Variants in KIRREL3 observed in about 807,000 individuals in gnomAD.
KIRREL3 encodes kirre like nephrin family adhesion molecule 3, also known as kin of IRRE-like protein 3.
In KIRREL3, 36 loss-of-function variants were observed where a neutral mutation model predicts 89.7. That is an observed-to-expected ratio of 0.40 (90% CI 0.31 to 0.53). KIRREL3 has a LOEUF of 0.53. KIRREL3 is among the 20% of genes least tolerant of loss of function. The pLI, the probability that KIRREL3 is intolerant of heterozygous loss-of-function variation, is 0.49. For synonymous variants in KIRREL3, 445 were observed against 441.4 expected (o/e 1.01, Z -0.10); for missense variants, 864 against 1,056.6 (o/e 0.82, Z 2.53).
In KIRREL3 at chr11:126,521,160, T is replaced by A. The variant is rs1958573921; in HGVS notation, c.433+155A>T. On this transcript the variant is annotated intron_variant, in intron 4 of 16. Transcript: ENST00000525144. This position sits in a 1 kb window ranked among gnomAD's most constrained non-coding sequence, Gnocchi z 4.1. ...CGCTTGTCCCGTTTGGGTGGGAAGG[T>A]GGGCATGGATATTGTGGAAGCAGCA... Among the ~76,000 whole-genome samples, 1 of 151,986 alleles carries A rather than the reference T, an allele frequency of 6.6e-6. No individual in the cohort carries two copies. Among genetic ancestry groups the A allele is most frequent in the African/African-American group, 2.4e-5 (1 of 41,382 alleles).
In KIRREL3 at chr11:126,729,409, A is replaced by C. The variant is rs1348655197; in HGVS notation, c.56-166497T>G. ...GTCACAAGGCTCATTTTAGGGACATATTGCAGGAGAGACAGGAAATTGAAA... is the reference window on the plus strand; with the variant it reads ...GTCACAAGGCTCATTTTAGGGACATCTTGCAGGAGAGACAGGAAATTGAAA... On this transcript the variant is annotated intron_variant, in intron 1 of 16. Coordinates refer to ENST00000525144, the MANE Select transcript of KIRREL3 (RefSeq NM_032531.4). The surrounding 1 kb of genome is among the most constrained non-coding windows in gnomAD (Gnocchi z 4.5). 6.6e-6 allele frequency among the ~76,000 whole-genome samples: 1 copy of C among 152,226 alleles called. No individual in the cohort carries two copies. Among genetic ancestry groups the C allele is most frequent in the Non-Finnish European group, 1.5e-5 (1 of 68,042 alleles).
chr11:126,451,390 GAA>G (rs1565464552), intron 7 of KIRREL3, among the ~76,000 whole-genome samples: 18 of 148,734 alleles, frequency 1.2e-4, no homozygotes, highest in Non-Finnish European at 2.2e-4. Context: ...GTGCATGTGT[GAA>G]CGTGTGCATG....
chr11:126,564,202 G>A lies in KIRREL3; in HGVS notation c.56-1290C>T, dbSNP rs973920603. ...TCACAGCACCTTCTCCCACGACACCGACTGCCTCCCTGAACCCAGCCAGTC... is the reference window on the plus strand; with the variant it reads ...TCACAGCACCTTCTCCCACGACACCAACTGCCTCCCTGAACCCAGCCAGTC... On this transcript the variant is annotated intron_variant, in intron 1 of 16. Coordinates refer to ENST00000525144, the MANE Select transcript of KIRREL3 (RefSeq NM_032531.4). The surrounding 1 kb of genome is among the most constrained non-coding windows in gnomAD (Gnocchi z 7.4). Among the ~76,000 whole-genome samples, 34 of 152,312 alleles carry A rather than the reference G, an allele frequency of 2.2e-4. No individual in the cohort carries two copies. The highest frequency in any genetic ancestry group is 6.3e-4 in the African/African-American group (26 of 41,578).
rs989009101 is a variant in KIRREL3 at position 126,640,485 on chromosome 11, A to G, written c.56-77573T>C. Among the ~76,000 whole-genome samples the G allele has an allele frequency of 3.3e-5, 5 of 152,202 alleles. No individual in the cohort carries two copies. The highest frequency in any genetic ancestry group is 7.4e-5 in the Non-Finnish European group (5 of 68,024). ...CCAATCTGTTCCCTGCATACATTAC[A>G]TGCATAGATCTGAGAGAAGAATTTG... On this transcript the variant is annotated intron_variant, in intron 1 of 16. Coordinates refer to ENST00000525144, the MANE Select transcript of KIRREL3 (RefSeq NM_032531.4). The surrounding 1 kb of genome is among the most constrained non-coding windows in gnomAD (Gnocchi z 4.9).
upstream of KIRREL3, among the ~76,000 whole-genome samples, chr11:127,002,517 GA>G (rs1950332709): frequency 6.6e-6 from 1 of 152,152 alleles, no homozygotes; most frequent in African/African-American, 2.4e-5. Flanking sequence ...CAGAGGAGAT[GA>G]AAAATAATTT....
chr11:126,860,962 A>T lies in KIRREL3; in HGVS notation c.55+139493T>A, dbSNP rs1314900031. Among the ~76,000 whole-genome samples the T allele has an allele frequency of 6.6e-6, 1 of 152,008 alleles. No individual in the cohort carries two copies. Among genetic ancestry groups the T allele is most frequent in the Non-Finnish European group, 1.5e-5 (1 of 67,990 alleles). On this transcript the variant is annotated intron_variant, in intron 1 of 16. Transcript: ENST00000525144. The surrounding 1 kb of genome is among the most constrained non-coding windows in gnomAD (Gnocchi z 4.6). The stretch of plus-strand genomic sequence containing the variant: ...CTCCTGGTGCTACCAGAGGCAAACA[A>T]ATTCTCCCTCCTTTGTGCCCTCCTG...
In KIRREL3 at chr11:126,666,486, C is replaced by A. The variant is rs1945670706; in HGVS notation, c.56-103574G>T. Among the ~76,000 whole-genome samples, 1 of 152,134 alleles carries A rather than the reference C, an allele frequency of 6.6e-6. No homozygotes were observed. The highest frequency in any genetic ancestry group is 2.4e-5 in the African/African-American group (1 of 41,432). ...CTTCTAAGGGTTTACCAAGAAGGGACAAATCTAATGATAAGAAAGTTACAG... is the reference window on the plus strand; with the variant it reads ...CTTCTAAGGGTTTACCAAGAAGGGAAAAATCTAATGATAAGAAAGTTACAG... On this transcript the variant is annotated intron_variant, in intron 1 of 16. Coordinates refer to ENST00000525144, the MANE Select transcript of KIRREL3 (RefSeq NM_032531.4). This position sits in a 1 kb window ranked among gnomAD's most constrained non-coding sequence, Gnocchi z 4.2.
At chr11:126,866,455 A>G (rs1944921760) in intron 1 of KIRREL3, among the ~76,000 whole-genome samples, 1 of 152,212 alleles carries the variant, frequency 6.6e-6, no homozygotes. Context: ...TTCCCCAGGC[A>G]AATGGAATCG....
rs1236354537 is a variant in KIRREL3 at position 126,566,554 on chromosome 11, G to A, written c.56-3642C>T. On this transcript the variant is annotated intron_variant, in intron 1 of 16. Transcript: ENST00000525144. The surrounding 1 kb of genome is among the most constrained non-coding windows in gnomAD (Gnocchi z 4.9). ...AAGTGGGCTTCACTGTAGCACAATG[G>A]GTTTAGGTTAGCAGAGGTTGGTTGT... Among the ~76,000 whole-genome samples the A allele has an allele frequency of 6.6e-6, 1 of 152,194 alleles. No individual in the cohort carries two copies. Among genetic ancestry groups the A allele is most frequent in the African/African-American group, 2.4e-5 (1 of 41,460 alleles).
chr11:126,956,015 C>T (rs2135163150), intron 1 of KIRREL3, among the ~76,000 whole-genome samples: 1 of 152,322 alleles, frequency 6.6e-6, no homozygotes, highest in East Asian at 1.9e-4. Flanking sequence ...TTCAGGGACC[C>T]ATTGCTGGGC....
intron 1 of KIRREL3, among the ~76,000 whole-genome samples, chr11:126,720,213 G>A: frequency 6.6e-6 from 1 of 152,220 alleles, no homozygotes; most frequent in Non-Finnish European, 1.5e-5. Flanking sequence ...GGGGCTTAAT[G>A]TGTTTGTCCA....
rs1045311089 is a variant in KIRREL3, at chr11:126,903,583, C to T, written c.55+96872G>A. On this transcript the variant is annotated intron_variant, in intron 1 of 16. Coordinates refer to ENST00000525144, the MANE Select transcript of KIRREL3 (RefSeq NM_032531.4). The surrounding 1 kb of genome is among the most constrained non-coding windows in gnomAD (Gnocchi z 4.5). ...GCCTTGACTGCTGAGTTTATTACTA[C>T]CCATAACCCTGGCCTAAGTGGAAAC... Among the ~76,000 whole-genome samples, 2 of 152,190 alleles carry T rather than the reference C, an allele frequency of 1.3e-5. No homozygotes were observed. The highest frequency in any genetic ancestry group is 4.8e-5 in the African/African-American group (2 of 41,458).
rs1169222381 is a variant in KIRREL3, at chr11:126,535,639, C to A, written c.134-8952G>T. 1.3e-5 allele frequency among the ~76,000 whole-genome samples: 2 copies of A among 152,084 alleles called. No homozygotes were observed. On this transcript the variant is annotated intron_variant, in intron 2 of 16. Transcript: ENST00000525144. The surrounding 1 kb of genome is among the most constrained non-coding windows in gnomAD (Gnocchi z 4.5). ...ATTAACTGAATTGGCCTCAACCCCACCTTTTCTCCAGCCAGACATTTGCTG... is the reference window on the plus strand; with the variant it reads ...ATTAACTGAATTGGCCTCAACCCCAACTTTTCTCCAGCCAGACATTTGCTG...
intron 1 of KIRREL3, among the ~76,000 whole-genome samples, chr11:126,657,077 A>C (rs1428475948): frequency 3.3e-5 from 5 of 152,128 alleles, no homozygotes; most frequent in South Asian, 2.1e-4. Context: ...AACAAAAAAA[A>C]ACAGAAAAAA....
Position 126,993,052 on chromosome 11 carries a change from A to G in KIRREL3, c.55+7403T>C, listed in dbSNP as rs536688521. Among the ~76,000 whole-genome samples, 1 of 152,346 alleles carries G rather than the reference A, an allele frequency of 6.6e-6. No homozygotes were observed. The highest frequency in any genetic ancestry group is 2.4e-5 in the African/African-American group (1 of 41,576). On this transcript the variant is annotated intron_variant, in intron 1 of 16. Transcript: ENST00000525144. The surrounding 1 kb of genome is among the most constrained non-coding windows in gnomAD (Gnocchi z 6.1). Reference sequence around the variant, plus strand: ...CTCTTGCTCACTTCATCCATCAGCTAGAAAGAACGATTAAAAAGTATATTT... The same window carrying G: ...CTCTTGCTCACTTCATCCATCAGCTGGAAAGAACGATTAAAAAGTATATTT...
rs912501260 is a variant in KIRREL3, at chr11:126,978,014, G to A, written c.55+22441C>T. On this transcript the variant is annotated intron_variant, in intron 1 of 16. Coordinates refer to ENST00000525144, the MANE Select transcript of KIRREL3 (RefSeq NM_032531.4). The surrounding 1 kb of genome is among the most constrained non-coding windows in gnomAD (Gnocchi z 4.2). ...TCCATTGAGTGGATTTCTGTAGTAC[G>A]ACTCTGCTGCCAGTCTACTGACAGC... is the stretch of plus-strand genomic sequence containing the variant. 5.3e-5 allele frequency among the ~76,000 whole-genome samples: 8 copies of A among 152,090 alleles called. No homozygotes were observed. The highest frequency in any genetic ancestry group is 1.2e-4 in the African/African-American group (5 of 41,414).
chr11:126,456,057 TCCTGAGCC>T (rs1956333701), intron 7 of KIRREL3, among the ~76,000 whole-genome samples: 63 of 109,756 alleles, frequency 5.7e-4, no homozygotes, highest in African/African-American at 1.4e-3. Flanking sequence ...TTTTTTTTTT[TCCTGAGCC>T]TTTTCCCCAT....
chr11:126,870,730 C>T lies in KIRREL3; in HGVS notation c.55+129725G>A, dbSNP rs577658425. Among the ~76,000 whole-genome samples the T allele has an allele frequency of 8.5e-5, 13 of 152,310 alleles. No individual in the cohort carries two copies. The highest frequency in any genetic ancestry group is 1.8e-4 in the Non-Finnish European group (12 of 68,032). ...ATGTGAGCAGGAGTCCAAGAGGTCA[C>T]GAGGCATACCCAGCTCCTGCCATTA... On this transcript the variant is annotated intron_variant, in intron 1 of 16. Coordinates refer to ENST00000525144, the MANE Select transcript of KIRREL3 (RefSeq NM_032531.4). This position sits in a 1 kb window ranked among gnomAD's most constrained non-coding sequence, Gnocchi z 4.4.
chr11:126,811,589 T>C lies in KIRREL3; in HGVS notation c.55+188866A>G, dbSNP rs1719098126. On this transcript the variant is annotated intron_variant, in intron 1 of 16. Coordinates refer to ENST00000525144, the MANE Select transcript of KIRREL3 (RefSeq NM_032531.4). The surrounding 1 kb of genome is among the most constrained non-coding windows in gnomAD (Gnocchi z 4.3). ...AACGTTAGCAATGAACTTCTTTTTT[T>C]TCTTTTTCTTTTTTGAGATGGAGTT... is the stretch of plus-strand genomic sequence containing the variant. Among the ~76,000 whole-genome samples the C allele has an allele frequency of 2.6e-5, 4 of 152,222 alleles. No homozygotes were observed. Among genetic ancestry groups the C allele is most frequent in the Admixed American group, 2.6e-4 (4 of 15,280 alleles).
Sources: gnomAD v4.1 joint callset for allele counts (sites outside exome capture counted in the v4.1 genomes callset) on GRCh38, gnomAD v4.1.1 for gene constraint, Gnocchi (gnomAD v3.1) non-coding constraint, MANE v1.5 for transcripts, NCBI Gene and HGNC (gene_info 2026-07-23, HGNC 2026-07-21) for gene names.